SOX6: variants seen among roughly 807,000 people sequenced by gnomAD.
SOX6 encodes SRY-box transcription factor 6, also known as transcription factor SOX-6.
SOX6 carries 11 observed loss-of-function variants against 97.8 expected under a neutral mutation model. The ratio of observed to expected loss-of-function variants is 0.11; its 90% CI spans 0.07 to 0.19. The LOEUF (loss-of-function observed/expected upper bound fraction) is 0.19, where lower values mean the gene tolerates loss of function less well. SOX6 is among the 10% of genes least tolerant of loss of function. The pLI, the probability that SOX6 is intolerant of heterozygous loss-of-function variation, is 1.00. For synonymous variants in SOX6, 360 were observed against 371.4 expected (o/e 0.97, Z 0.35); for missense variants, 810 against 1,039.5 (o/e 0.78, Z 3.04).
chr11:16,498,126 A>G (rs772173758), intron 4 of SOX6, among the ~76,000 whole-genome samples: 21 of 152,354 alleles, frequency 1.4e-4, no homozygotes, highest in East Asian at 1.9e-4. Context: ...CTCTTGGCAG[A>G]AACTCTACAA....
rs757179221 is a variant in SOX6, at chr11:16,425,718, A to G, written c.-5+50597T>C. On this transcript the variant is annotated intron_variant, in intron 1 of 15. Transcript: ENST00000396356. ...AATCAGGAACAAACTCCTATTCACA[A>G]TTGCCACAAAAACAATAGAACAGGA... 7.2e-4 allele frequency among the ~76,000 whole-genome samples: 110 copies of G among 152,306 alleles called. 1 individual carries two copies. Among genetic ancestry groups the G allele is most frequent in the Non-Finnish European group, 1.5e-3 (99 of 68,016 alleles).
rs936608389 is a variant in SOX6, at chr11:16,613,899, C to T, written n.430-1639G>A. Among the ~76,000 whole-genome samples, 1 of 152,118 alleles carries T rather than the reference C, an allele frequency of 6.6e-6. No individual in the cohort carries two copies. The highest frequency in any genetic ancestry group is 1.5e-5 in the Non-Finnish European group (1 of 68,030). On this transcript the variant is annotated intron_variant and non_coding_transcript_variant, in intron 3 of 5. Coordinates refer to the SOX6 transcript ENST00000524520. The surrounding 1 kb of genome is among the most constrained non-coding windows in gnomAD (Gnocchi z 4.6). ...AACCCAGCTGACACTGGCCCAGCAG[C>T]CTTGGCGACCTCCCGGGACCGCCTG...
intron 1 of SOX6, among the ~76,000 whole-genome samples, chr11:16,459,400 GA>G (rs538211170): frequency 2.1e-4 from 32 of 152,004 alleles, no homozygotes; most frequent in Non-Finnish European, 3.5e-4. Context: ...TTAAAATCGT[GA>G]AATTTACACT....
At chr11:16,091,001 A>G (rs1228922345) in intron 9 of SOX6, among the ~76,000 whole-genome samples, 1 of 152,242 alleles carries the variant, frequency 6.6e-6, no homozygotes, top group African/African-American at 2.4e-5. Flanking sequence ...CAATGAAAAA[A>G]ACTGCAAATG....
At chr11:16,401,379 A>G (rs375389732) in intron 1 of SOX6, among the ~76,000 whole-genome samples, 1 of 151,066 alleles carries the variant, frequency 6.6e-6, no homozygotes, top group Non-Finnish European at 1.5e-5. Context: ...AATAGTTACC[A>G]AAAAAAATCT....
chr11:16,289,727 A>C (rs959168231), intron 3 of SOX6, among the ~76,000 whole-genome samples: 3 of 151,998 alleles, frequency 2.0e-5, no homozygotes, highest in Non-Finnish European at 4.4e-5. Context: ...TGTCTGACAA[A>C]CCAGTCCAGG....
At chr11:16,016,974 CTTTGA>C (rs1331012862) in intron 12 of SOX6, among the ~76,000 whole-genome samples, 1 of 151,532 alleles carries the variant, frequency 6.6e-6, no homozygotes, top group East Asian at 1.9e-4. Context: ...CACTCATTCT[CTTTGA>C]TTTTACTGGA....
intron 4 of SOX6, among the ~76,000 whole-genome samples, chr11:16,510,400 GGCCTACAT>G (rs1565167103): frequency 6.6e-6 from 1 of 151,692 alleles, no homozygotes; most frequent in East Asian, 1.9e-4. Flanking sequence ...ATCTGATCCT[GGCCTACAT>G]GAATGGGGCA....
At chr11:16,515,382 T>G (rs1161538691) in intron 4 of SOX6, among the ~76,000 whole-genome samples, 14 of 148,516 alleles carry the variant, frequency 9.4e-5, no homozygotes, top group African/African-American at 2.0e-4. Flanking sequence ...TTGCCCACTT[T>G]TTGATGGGGT....
At chr11:16,278,504 G>A (rs548586386) in intron 3 of SOX6, among the ~76,000 whole-genome samples, 58 of 152,142 alleles carry the variant, frequency 3.8e-4, no homozygotes, top group African/African-American at 1.4e-3. Flanking sequence ...AGCTCATAGC[G>A]TAGACGCCAA....
intron 3 of SOX6, among the ~76,000 whole-genome samples, chr11:16,242,184 T>C (rs1328504858): frequency 1.3e-5 from 2 of 152,058 alleles, no homozygotes; most frequent in South Asian, 2.1e-4. Flanking sequence ...CATACAATGG[T>C]AGTCTTGCAT....
intron 4 of SOX6, among the ~76,000 whole-genome samples, chr11:16,481,775 C>T (rs571189356): frequency 6.6e-6 from 1 of 152,176 alleles, no homozygotes; most frequent in Admixed American, 6.5e-5. Flanking sequence ...TCTCAGGACT[C>T]CCTTACAGTC....
At chr11:16,163,742 A>G (rs1221390492) in intron 6 of SOX6, among the ~76,000 whole-genome samples, 1 of 152,224 alleles carries the variant, frequency 6.6e-6, no homozygotes, top group Non-Finnish European at 1.5e-5. Context: ...TCTAAGCCTA[A>G]CCCAAAAGGA....
rs1481668804 is a variant in SOX6 at position 16,122,319 on chromosome 11, C to T, written c.778-10396G>A. Among the ~76,000 whole-genome samples, 8 of 151,928 alleles carry T rather than the reference C, an allele frequency of 5.3e-5. No homozygotes were observed. In the East Asian group the frequency reaches 5.8e-4, roughly 11 times the overall value. On this transcript the variant is annotated intron_variant, in intron 6 of 15. Transcript: ENST00000683767. ...CAAAGACTAGTGAAGATGAATGTTT[C>T]CTATTCCACCCTGTCTTATTTCCAG...
At chr11:16,582,265 T>A (rs1848038578) in intron 4 of SOX6, among the ~76,000 whole-genome samples, 1 of 152,186 alleles carries the variant, frequency 6.6e-6, no homozygotes, top group African/African-American at 2.4e-5. Flanking sequence ...TCACACAATC[T>A]ATCTTCATGT....
chr11:16,367,090 A>T (rs1249737620), intron 1 of SOX6, among the ~76,000 whole-genome samples: 2 of 152,200 alleles, frequency 1.3e-5, no homozygotes, highest in African/African-American at 4.8e-5. Context: ...TAGAGATAGA[A>T]AATCTAAATC....
chr11:16,213,372 G>T (rs1561259), intron 4 of SOX6, among the ~76,000 whole-genome samples: 72,648 of 151,692 alleles, frequency 0.48, 17,547 homozygotes, highest in South Asian at 0.61. Flanking sequence ...TCTGTCTGCC[G>T]CACCCTGTCT....
chr11:16,360,661 GT>G (rs1461137858), upstream of SOX6, among the ~76,000 whole-genome samples: 1 of 152,116 alleles, frequency 6.6e-6, no homozygotes, highest in Non-Finnish European at 1.5e-5. Flanking sequence ...TAAGTATATA[GT>G]AGGGCTTAAT....
chr11:16,685,947 C>T (rs1207973686), intron 3 of SOX6, among the ~76,000 whole-genome samples: 1 of 152,262 alleles, frequency 6.6e-6, no homozygotes, highest in Non-Finnish European at 1.5e-5. Flanking sequence ...ACCACCAAGG[C>T]CTACAGCTCA....
Sources: gnomAD v4.1 joint callset for allele counts (sites outside exome capture counted in the v4.1 genomes callset) on GRCh38, gnomAD v4.1.1 for gene constraint, Gnocchi (gnomAD v3.1) non-coding constraint, MANE v1.5 for transcripts, NCBI Gene and HGNC (gene_info 2026-07-23, HGNC 2026-07-21) for gene names.